The following ADD3 variants were observed in gnomAD, a reference collection of about 807,000 sequenced individuals.
The protein encoded by ADD3 is adducin 3.
Under a neutral mutation model 80.2 loss-of-function variants are expected in ADD3, and 25 were observed. The observed-to-expected ratio is 0.31, with a 90% CI of 0.23 to 0.44. The LOEUF is 0.44. ADD3 is among the 20% of genes least tolerant of loss of function. The pLI, the probability that ADD3 is intolerant of heterozygous loss-of-function variation, is 1.00. For missense variants in ADD3, 829 were observed against 847.5 expected (o/e 0.98, Z 0.27); for synonymous variants, 284 against 289.6 (o/e 0.98, Z 0.20).
At chr10:110,071,723 T>C (rs1844744800) in intron 1 of ADD3, among the ~76,000 whole-genome samples, 2 of 152,238 alleles carry the variant, frequency 1.3e-5, no homozygotes, top group South Asian at 4.1e-4. Context: ...TATGTCTTTC[T>C]ACCTCTAGTT....
At chr10:110,062,238 T>A (rs1197549144) in intron 1 of ADD3, among the ~76,000 whole-genome samples, 107 of 54,704 alleles carry the variant, frequency 2.0e-3, no homozygotes, top group African/African-American at 6.5e-3. Context: ...AAAAAAAAAA[T>A]ACTAAGTTAG....
chr10:110,126,365 C>T (rs1852156929), intron 11 of ADD3, 52 bp from the exon 12 acceptor site: 2 of 1,336,242 alleles, frequency 1.5e-6, no homozygotes, highest in East Asian at 4.6e-5. Context: ...AAGCAAAGGT[C>T]ATCTGCATAG....
rs770245298 is a variant in ADD3, at chr10:110,122,251, G to A, written c.1102G>A (p.Glu368Lys). The change falls in exon 9 of 15, where the codon GAA becomes AAA. Residue 368 changes from glutamate to lysine, a missense_variant. Transcript: ENST00000356080. Reference protein sequence around the residue: ...MGSHQKWKVGEIEFEGLMRTL... With the variant: ...MGSHQKWKVGKIEFEGLMRTL... ...TTCCCATCAAAAATGGAAGGTTGGC[G>A]AAATTGAGTTTGAAGGGCTTATGAG... 5 of 1,614,100 alleles carry A rather than the reference G, an allele frequency of 3.1e-6. No individual in the cohort carries two copies. Among genetic ancestry groups the A allele is most frequent in the Non-Finnish European group, 4.2e-6 (5 of 1,179,992 alleles).
At chr10:110,074,974 C>T (rs1190280468) in intron 1 of ADD3, among the ~76,000 whole-genome samples, 1 of 152,100 alleles carries the variant, frequency 6.6e-6, no homozygotes, top group Non-Finnish European at 1.5e-5. Context: ...CTGAAACAGG[C>T]GTGTATGTGA....
intron 1 of ADD3, among the ~76,000 whole-genome samples, chr10:110,064,369 G>A (rs921291308): frequency 6.6e-6 from 1 of 152,158 alleles, no homozygotes; most frequent in African/African-American, 2.4e-5. Context: ...AGTTCCAGAT[G>A]TTCCACATCC....
intron 3 of ADD3, among the ~76,000 whole-genome samples, chr10:110,113,553 C>T (rs1850324882): frequency 1.3e-5 from 2 of 152,184 alleles, no homozygotes; most frequent in African/African-American, 4.8e-5. Flanking sequence ...AGGCCTGAGC[C>T]ACTGCACCAG....
At chr10:110,063,656 T>C (rs767897592) in intron 1 of ADD3, among the ~76,000 whole-genome samples, 65 of 146,924 alleles carry the variant, frequency 4.4e-4, no homozygotes, top group Non-Finnish European at 8.4e-4. Flanking sequence ...AGATAAACTT[T>C]TAAATGCAAG....
At chr10:110,052,715 A>G (rs982803619) in intron 1 of ADD3, among the ~76,000 whole-genome samples, 1 of 152,252 alleles carries the variant, frequency 6.6e-6, no homozygotes, top group African/African-American at 2.4e-5. Context: ...AATAGCTTAT[A>G]TCAAAAATGT....
chr10:110,046,401 A>G (rs1856913136), intron 1 of ADD3, among the ~76,000 whole-genome samples: 1 of 150,674 alleles, frequency 6.6e-6, no homozygotes, highest in African/African-American at 2.5e-5. Context: ...AGTTGGGGAT[A>G]GTCCAAAGTT....
intron 1 of ADD3, among the ~76,000 whole-genome samples, chr10:110,066,184 T>G (rs955424461): frequency 6.6e-6 from 1 of 152,158 alleles, no homozygotes; most frequent in Non-Finnish European, 1.5e-5. Context: ...TGTTACAGAT[T>G]AGCAAGGGAG....
chr10:110,037,912 A>G (rs1855853759), intron 1 of ADD3, among the ~76,000 whole-genome samples: 1 of 151,774 alleles, frequency 6.6e-6, no homozygotes, highest in Admixed American at 6.6e-5. Flanking sequence ...ACTAAAAAAT[A>G]GAAAATTAGC....
chr10:110,130,215 A>C (rs1353330151), intron 12 of ADD3, 148 bp from the exon 13 acceptor site: 2 of 769,878 alleles, frequency 2.6e-6, no homozygotes, highest in African/African-American at 3.5e-5. Context: ...TTTTAAACAA[A>C]GCATGTTACC....
chr10:110,008,848 C>T (rs1254105810), intron 1 of ADD3, among the ~76,000 whole-genome samples: 1 of 152,152 alleles, frequency 6.6e-6, no homozygotes, highest in Non-Finnish European at 1.5e-5. Context: ...CCCCACCCCC[C>T]AACACAGACA....
upstream of ADD3, among the ~76,000 whole-genome samples, chr10:110,007,169 C>T (rs1851705992): frequency 6.6e-6 from 1 of 152,172 alleles, no homozygotes; most frequent in Admixed American, 6.5e-5. Flanking sequence ...AGGTTCTTGG[C>T]GATGCCTCGA....
At chr10:110,003,191 G>A (rs1851520360), upstream of ADD3, among the ~76,000 whole-genome samples, 1 of 152,034 alleles carries the variant, frequency 6.6e-6, no homozygotes, top group Non-Finnish European at 1.5e-5. Context: ...GGTGGGATAG[G>A]GAGAGGATTC....
chr10:110,106,230 G>T, intron 2 of ADD3, among the ~76,000 whole-genome samples: 1 of 150,220 alleles, frequency 6.7e-6, no homozygotes, highest in African/African-American at 2.5e-5. Flanking sequence ...ATTCATCTCT[G>T]ATGTCTCCTA....
At chr10:110,011,961 A>G (rs1852387372) in intron 1 of ADD3, among the ~76,000 whole-genome samples, 2 of 152,376 alleles carry the variant, frequency 1.3e-5, no homozygotes, top group Non-Finnish European at 1.5e-5. Flanking sequence ...GTATATATCA[A>G]GAATCCTCTA....
At position 110,008,272 on chromosome 10, in the gene ADD3, A is replaced by G. The variant is rs972259204; in HGVS notation, c.-57A>G. Reference sequence around the variant, plus strand: ...GCGGCTGCCGAGAAGGAGGGAGGGGAAACACAAAGCCGGCTACGCGCTGCG... The same window carrying G: ...GCGGCTGCCGAGAAGGAGGGAGGGGGAACACAAAGCCGGCTACGCGCTGCG... On this transcript the variant is annotated 5_prime_UTR_variant, in exon 1 of 15. Coordinates refer to ENST00000356080, the MANE Select transcript of ADD3 (RefSeq NM_016824.5). 3.3e-5 allele frequency: 5 copies of G among 152,250 alleles called. No individual in the cohort carries two copies. The highest frequency in any genetic ancestry group is 4.4e-5 in the Non-Finnish European group (3 of 68,076). 9.4% of individuals were successfully genotyped at this position (152,250 alleles called of 1,614,324 possible).
chr10:110,012,098 G>A (rs1350072323), intron 1 of ADD3, among the ~76,000 whole-genome samples: 2 of 152,116 alleles, frequency 1.3e-5, no homozygotes, highest in Non-Finnish European at 2.9e-5. Flanking sequence ...CTATGTATAC[G>A]TATGTCAAAC....
Sources: allele counts gnomAD v4.1 joint callset (sites outside exome capture counted in the v4.1 genomes callset), GRCh38; gene constraint gnomAD v4.1.1; transcripts MANE v1.5; gene names NCBI Gene and HGNC (gene_info 2026-07-23, HGNC 2026-07-21).